CSMD1: variants seen among roughly 807,000 people sequenced by gnomAD.
The protein encoded by CSMD1 is CUB and sushi domain-containing protein 1.
In CSMD1, 213 loss-of-function variants were observed where a neutral mutation model predicts 417.5. The observed-to-expected ratio is 0.51, with a 90% confidence interval of 0.46 to 0.57. CSMD1 has a LOEUF of 0.57. CSMD1 is among the 20% of genes least tolerant of loss of function. The pLI is 0.00. For missense variants in CSMD1, 6,923 were observed against 4,529.7 expected, an observed-to-expected ratio of 1.53 and a Z score of -15.17; for synonymous variants, 2,862 against 1,736.8, an observed-to-expected ratio of 1.65 and a Z score of -16.11.
At chr8:3,851,906 G>C (rs1311545994) in intron 5 of CSMD1, among the ~76,000 whole-genome samples, 3 of 152,122 alleles carry the variant, frequency 2.0e-5, no homozygotes, top group Non-Finnish European at 4.4e-5. Context: ...TTCTGGCGGG[G>C]TAGAAGTACT....
At chr8:3,351,486 C>A (rs1346005798) in intron 21 of CSMD1, among the ~76,000 whole-genome samples, 1 of 151,648 alleles carries the variant, frequency 6.6e-6, no homozygotes, top group Non-Finnish European at 1.5e-5. Context: ...TGGCACATGC[C>A]TGTAATCCCA....
At chr8:4,158,870 C>T (rs1422933289) in intron 3 of CSMD1, among the ~76,000 whole-genome samples, 1 of 152,160 alleles carries the variant, frequency 6.6e-6, no homozygotes, top group Non-Finnish European at 1.5e-5. Flanking sequence ...ATCTCAAGTC[C>T]TCAGTTTACT....
chr8:3,550,104 G>C (rs146067695), intron 10 of CSMD1, among the ~76,000 whole-genome samples: 2 of 152,064 alleles, frequency 1.3e-5, no homozygotes, highest in Non-Finnish European at 2.9e-5. Flanking sequence ...GCACAGAGCC[G>C]ATAAAAAAGT....
chr8:3,020,095 T>A (rs905274956), intron 51 of CSMD1, among the ~76,000 whole-genome samples: 4 of 152,072 alleles, frequency 2.6e-5, no homozygotes, highest in African/African-American at 9.7e-5. Flanking sequence ...CTACCCAGGG[T>A]CTGGTTCTGC....
chr8:4,461,786 G>T lies in CSMD1; in HGVS notation c.303-41721C>A, dbSNP rs189945428. ...GATGGAGTCTCGCTCTGTCACCCAGGCTGGAGTGCAGTAGTACGATCTCAG... is the reference window on the plus strand; with the variant it reads ...GATGGAGTCTCGCTCTGTCACCCAGTCTGGAGTGCAGTAGTACGATCTCAG... On this transcript the variant is annotated intron_variant, in intron 2 of 69. Transcript: ENST00000635120. 9.4e-3 allele frequency among the ~76,000 whole-genome samples: 1,363 copies of T among 145,462 alleles called. 6 individuals are homozygous for T. The highest frequency in any genetic ancestry group is 0.014 in the Non-Finnish European group (963 of 66,776).
intron 16 of CSMD1, among the ~76,000 whole-genome samples, chr8:3,397,830 C>A (rs552323584): frequency 1.3e-5 from 2 of 152,258 alleles, no homozygotes; most frequent in Admixed American, 6.5e-5. Flanking sequence ...GGCAGCCTAA[C>A]ACACACCGCC....
At chr8:4,635,095 T>C (rs1802745351) in intron 2 of CSMD1, among the ~76,000 whole-genome samples, 1 of 152,190 alleles carries the variant, frequency 6.6e-6, no homozygotes, top group African/African-American at 2.4e-5. Context: ...TATTTTTCTC[T>C]ATTTCAAACA....
intron 52 of CSMD1, among the ~76,000 whole-genome samples, chr8:3,006,045 C>T (rs1585134217): frequency 6.6e-6 from 1 of 152,004 alleles, no homozygotes; most frequent in South Asian, 2.1e-4. Flanking sequence ...CCCAAAATCT[C>T]CTTAAGCTGA....
At chr8:3,591,772 G>A (rs78273621) in intron 8 of CSMD1, among the ~76,000 whole-genome samples, 5 of 150,056 alleles carry the variant, frequency 3.3e-5, no homozygotes, top group African/African-American at 9.7e-5. Context: ...TAGACAAAGA[G>A]ATGGATGGAT....
chr8:3,540,760 G>A (rs1275462458), intron 10 of CSMD1, among the ~76,000 whole-genome samples: 1 of 152,126 alleles, frequency 6.6e-6, no homozygotes, highest in African/African-American at 2.4e-5. Context: ...AGACATCCAT[G>A]CAGTCAACAA....
chr8:4,080,807 G>C (rs949950445), intron 3 of CSMD1, among the ~76,000 whole-genome samples: 6 of 152,136 alleles, frequency 3.9e-5, no homozygotes, highest in African/African-American at 9.7e-5. Flanking sequence ...TATTTGATCA[G>C]ATAGCTAGAT....
At chr8:4,111,967 T>C (rs1001052251) in intron 3 of CSMD1, among the ~76,000 whole-genome samples, 1 of 151,656 alleles carries the variant, frequency 6.6e-6, no homozygotes, top group South Asian at 2.1e-4. Context: ...TAATTTTACA[T>C]ACATAGTTTT....
At chr8:4,928,645 G>A (rs928947133) in intron 1 of CSMD1, among the ~76,000 whole-genome samples, 2 of 152,130 alleles carry the variant, frequency 1.3e-5, no homozygotes, top group African/African-American at 4.8e-5. Context: ...GGGGCTGACA[G>A]GAATTCATTG....
intron 49 of CSMD1, among the ~76,000 whole-genome samples, chr8:3,069,017 G>A (rs965652807): frequency 6.6e-6 from 1 of 152,094 alleles, no homozygotes; most frequent in Non-Finnish European, 1.5e-5. Flanking sequence ...GACAAGGAGA[G>A]ACAAGGCAAA....
chr8:4,982,816 A>C (rs1185996022), intron 1 of CSMD1, among the ~76,000 whole-genome samples: 1 of 152,176 alleles, frequency 6.6e-6, no homozygotes, highest in Non-Finnish European at 1.5e-5. Flanking sequence ...TCAGCTTTTC[A>C]ACACCCTGAC....
chr8:4,606,687 A>G (rs2617102), intron 2 of CSMD1, among the ~76,000 whole-genome samples: 1 of 152,110 alleles, frequency 6.6e-6, no homozygotes, highest in Non-Finnish European at 1.5e-5. Context: ...ACTTCTGTAC[A>G]TAATATTGTA....
chr8:4,429,374 C>G (rs769933394), intron 2 of CSMD1, among the ~76,000 whole-genome samples: 5 of 152,080 alleles, frequency 3.3e-5, no homozygotes, highest in Non-Finnish European at 7.3e-5. Flanking sequence ...TTTACACACA[C>G]ACATCTACAT....
chr8:3,987,731 A>G (rs1356670612), intron 5 of CSMD1, among the ~76,000 whole-genome samples: 1 of 152,220 alleles, frequency 6.6e-6, no homozygotes, highest in African/African-American at 2.4e-5. Context: ...AGCAGCATAA[A>G]GTGCAAAATG....
chr8:3,826,217 G>C (rs1250796780), intron 5 of CSMD1, among the ~76,000 whole-genome samples: 1 of 152,128 alleles, frequency 6.6e-6, no homozygotes, highest in African/African-American at 2.4e-5. Flanking sequence ...GCTGGACACA[G>C]TTGCTAGAAA....
Sources: allele counts gnomAD v4.1 joint callset (sites outside exome capture counted in the v4.1 genomes callset), GRCh38; gene constraint gnomAD v4.1.1; transcripts MANE v1.5; gene names NCBI Gene and HGNC (gene_info 2026-07-23, HGNC 2026-07-21).